ADGB: variants seen among roughly 807,000 people sequenced by gnomAD.
The protein encoded by ADGB is calpain-7-like protein.
In ADGB, 172 loss-of-function variants were observed where a neutral mutation model predicts 210.5. That is an observed-to-expected ratio of 0.82 (90% CI 0.72 to 0.93). ADGB has a LOEUF of 0.93. Among genes scored for constraint, ADGB ranks in the 40% least tolerant of loss-of-function variants. ADGB has a pLI of 0.00. For missense variants in ADGB, 2,025 were observed against 1,964.8 expected, an observed-to-expected ratio of 1.03 and a Z score of -0.58; for synonymous variants, 658 against 662.7, an observed-to-expected ratio of 0.99 and a Z score of 0.11.
At chr6:146,713,683 A>G (rs1776690387) in intron 13 of ADGB, among the ~76,000 whole-genome samples, 1 of 151,998 alleles carries the variant, frequency 6.6e-6, no homozygotes, top group South Asian at 2.1e-4. Context: ...ATTTTCTCCC[A>G]GTTTGTAGGT....
intron 33 of ADGB, among the ~76,000 whole-genome samples, chr6:146,789,072 T>G (rs1440373668): frequency 1.3e-5 from 2 of 152,240 alleles, no homozygotes; most frequent in Non-Finnish European, 2.9e-5. Flanking sequence ...GATTCATTTC[T>G]ATATGGATTC....
chr6:146,692,998 G>A, intron 12 of ADGB, 83 bp downstream of exon 12: 1 of 715,252 alleles, frequency 1.4e-6, no homozygotes. Context: ...ACACCAAATG[G>A]GAGCATTTTG....
rs73571842 is a variant in ADGB at position 146,645,714 on chromosome 6, A to G, written c.330+849A>G. 9.9e-3 allele frequency among the ~76,000 whole-genome samples: 1,507 copies of G among 152,148 alleles called. 30 individuals are homozygous for G. Among genetic ancestry groups the G allele is most frequent in the African/African-American group, 0.033 (1,366 of 41,556 alleles). On this transcript the variant is annotated intron_variant, in intron 3 of 35. Coordinates refer to ENST00000397944, the MANE Select transcript of ADGB (RefSeq NM_024694.4). ...ACTGCTACTAATTCAAGAAAATATG[A>G]TATGTCCACCATATTTTTCAAGTAC...
chr6:146,681,682 A>AATAT (rs1776160071), intron 9 of ADGB, among the ~76,000 whole-genome samples: 1 of 152,066 alleles, frequency 6.6e-6, no homozygotes, highest in Admixed American at 6.6e-5. Context: ...GAAGCCCACT[A>AATAT]ATATATATTA....
chr6:146,614,519 A>G (rs1184742837), intron 1 of ADGB, among the ~76,000 whole-genome samples: 1 of 152,190 alleles, frequency 6.6e-6, no homozygotes, highest in African/African-American at 2.4e-5. Context: ...AATCAAACCC[A>G]TGTACACATT....
At position 146,635,589 on chromosome 6, in the gene ADGB, T is replaced by A; in HGVS notation, c.237+52T>A. The A allele has an allele frequency of 2.1e-6, 3 of 1,433,864 alleles. No individual in the cohort carries two copies. In the South Asian group the frequency reaches 4.5e-5, roughly 21 times the overall value. The allele number at this position is 1,433,864 out of a possible 1,614,324, so 88.8% of individuals were successfully genotyped here. A position where few individuals can be genotyped will look rare whatever the true frequency, so the allele number is the denominator to read the frequency against. ...TTCATTTTGGTTTTTAATTTTATAATGGAATGAGATTTGTAAACATAAAAA... is the reference window on the plus strand; with the variant it reads ...TTCATTTTGGTTTTTAATTTTATAAAGGAATGAGATTTGTAAACATAAAAA... On this transcript the variant is annotated intron_variant, in intron 2 of 35. Coordinates refer to ENST00000397944, the MANE Select transcript of ADGB (RefSeq NM_024694.4).
chr6:146,677,625 C>A (rs1237947657), intron 9 of ADGB, among the ~76,000 whole-genome samples: 1 of 152,110 alleles, frequency 6.6e-6, no homozygotes, highest in Non-Finnish European at 1.5e-5. Context: ...GTGAAAATGG[C>A]TAAAACTTTC....
rs1562268546 is a variant in ADGB, at chr6:146,664,284, A to T, written c.696A>T (p.Glu232Asp). Residue 232 changes from glutamate to aspartate, a missense_variant, in exon 6 of 36, where the codon GAA becomes GAT. Transcript: ENST00000397944. ...NNLLLPATTYEFELWPMLLSK... is the reference protein window; with the variant it reads ...NNLLLPATTYDFELWPMLLSK... ...TATTGCTTCCAGCTACAACTTATGA[A>T]TTTGAACTGTGGCCAATGCTTTTGT... 2.6e-6 allele frequency: 4 copies of T among 1,550,096 alleles called. No individual in the cohort carries two copies. The Admixed American group carries it at 7.9e-5, about 30-fold the overall frequency.
At chr6:146,738,736 G>A (rs1263823772) in intron 23 of ADGB, among the ~76,000 whole-genome samples, 1 of 152,056 alleles carries the variant, frequency 6.6e-6, no homozygotes, top group African/African-American at 2.4e-5. Context: ...GGGATTACAG[G>A]CGTGAGCCAC....
chr6:146,681,563 A>G (rs1562273015), intron 9 of ADGB, among the ~76,000 whole-genome samples: 1 of 152,156 alleles, frequency 6.6e-6, no homozygotes, highest in African/African-American at 2.4e-5. Flanking sequence ...TGTTGCAGCT[A>G]TCTTCAAAGT....
At chr6:146,719,629 C>G (rs1466746749) in intron 16 of ADGB, among the ~76,000 whole-genome samples, 2 of 152,162 alleles carry the variant, frequency 1.3e-5, no homozygotes, top group Non-Finnish European at 2.9e-5. Flanking sequence ...CAGATGTTCC[C>G]TTGGTGCTCA....
At chr6:146,742,144 T>A (rs768382517) in intron 25 of ADGB, among the ~76,000 whole-genome samples, 6 of 152,168 alleles carry the variant, frequency 3.9e-5, no homozygotes, top group Non-Finnish European at 7.4e-5. Flanking sequence ...TTTCATGCTG[T>A]CTTAGAGATT....
At chr6:146,718,465 C>T (rs769017709) in intron 16 of ADGB, among the ~76,000 whole-genome samples, 6 of 151,976 alleles carry the variant, frequency 3.9e-5, no homozygotes, top group Non-Finnish European at 7.4e-5. Context: ...ATTCTTCCCC[C>T]TACTTACTGT....
chr6:146,646,420 A>T (rs567534186), intron 3 of ADGB, among the ~76,000 whole-genome samples: 4 of 152,234 alleles, frequency 2.6e-5, no homozygotes, highest in Middle Eastern at 3.4e-3. Flanking sequence ...TTAAATATTA[A>T]AGCCCTCTCA....
At chr6:146,755,480 C>A (rs938886801) in intron 27 of ADGB, among the ~76,000 whole-genome samples, 4 of 152,042 alleles carry the variant, frequency 2.6e-5, no homozygotes, top group Admixed American at 1.3e-4. Context: ...GTTTTCTCCC[C>A]CTTCACTCTG....
intron 20 of ADGB, among the ~76,000 whole-genome samples, chr6:146,731,195 C>T (rs1437756024): frequency 6.6e-6 from 1 of 152,118 alleles, no homozygotes; most frequent in Non-Finnish European, 1.5e-5. Flanking sequence ...AACTACTCAC[C>T]TACAGCATGA....
Position 146,672,459 on chromosome 6 carries a change from T to C in ADGB, c.1079T>C (p.Val360Ala), listed in dbSNP as rs1421063288. 1 of 1,541,036 alleles carries C rather than the reference T, an allele frequency of 6.5e-7. No individual in the cohort carries two copies. The highest frequency in any genetic ancestry group is 1.7e-4 in the Middle Eastern group (1 of 5,912). The change falls in exon 8 of 36, where the codon GTT becomes GCT. Residue 360 changes from valine (V) to alanine (A), a missense_variant. Val to Ala is a moderately conservative substitution (Grantham distance 64). Transcript: ENST00000397944. ...TLKAPEKSDKVPKEKADARDI... is the reference protein window; with the variant it reads ...TLKAPEKSDKAPKEKADARDI... ...AAGGCTCCTGAGAAAAGCGACAAAG[T>C]TCCAAAGGGTAAGATATTTTACATC...
At chr6:146,603,212 CAAATT>C (rs1394663351) in intron 1 of ADGB, among the ~76,000 whole-genome samples, 1 of 152,086 alleles carries the variant, frequency 6.6e-6, no homozygotes, top group Non-Finnish European at 1.5e-5. Flanking sequence ...CAATTATAAA[CAAATT>C]AAATTAATTG....
chr6:146,693,906 A>G (rs773507813), intron 12 of ADGB, among the ~76,000 whole-genome samples: 10 of 152,092 alleles, frequency 6.6e-5, no homozygotes, highest in Non-Finnish European at 1.0e-4. Context: ...ACATGTTCCT[A>G]ATTTCCATTT....
Sources: allele counts gnomAD v4.1 joint callset (sites outside exome capture counted in the v4.1 genomes callset), GRCh38; gene constraint gnomAD v4.1.1; transcripts MANE v1.5; gene names NCBI Gene and HGNC (gene_info 2026-07-23, HGNC 2026-07-21).